PLD2: variants seen among roughly 807,000 people sequenced by gnomAD.
PLD2 encodes choline phosphatase 2.
A neutral mutation model predicts 119.8 loss-of-function variants in PLD2; 101 were observed. The ratio of observed to expected loss-of-function variants is 0.84; its 90% confidence interval spans 0.72 to 0.99. The LOEUF is 0.99. Ranked by LOEUF, PLD2 falls within the 50% of genes least tolerant of loss-of-function variation. The pLI, the probability that PLD2 is intolerant of heterozygous loss-of-function variation, is 0.00. For synonymous variants in PLD2, 494 were observed against 482.8 expected (o/e 1.02, Z -0.30); for missense variants, 1,164 against 1,226.8 (o/e 0.95, Z 0.76).
chr17:4,818,511 G>A lies in PLD2; in HGVS notation c.2027G>A (p.Arg676Gln), dbSNP rs199553650. 11 of 1,613,724 alleles carry A rather than the reference G, an allele frequency of 6.8e-6. No homozygotes were observed. The highest frequency in any genetic ancestry group is 9.3e-6 in the Non-Finnish European group (11 of 1,179,714). The change falls in exon 20 of 25, where the codon CGA (arginine) becomes CAA (glutamine). Residue 676 changes from arginine to glutamine, a missense_variant. Physicochemically the swap from Arg to Gln is conservative, Grantham distance 43 (BLOSUM62 1). Transcript: ENST00000263088. Reference sequence around the variant, plus strand: ...CTCCCCAGACAGGGGTGGTGTTACCGAGTCTACGTGCTTTTGCCCTTACTC... The same window carrying A: ...CTCCCCAGACAGGGGTGGTGTTACCAAGTCTACGTGCTTTTGCCCTTACTC... ...LKAHKQGWCY[R>Q]VYVLLPLLPG...
At position 4,819,263 on chromosome 17, in the gene PLD2, C is replaced by CAGGCGAAGAGA; in HGVS notation, c.2308+46_2308+56dup. The CAGGCGAAGAGA allele has an allele frequency of 1.9e-6, 3 of 1,610,450 alleles. No homozygotes were observed. The highest frequency in any genetic ancestry group is 2.2e-5 in the South Asian group (2 of 90,854). On this transcript the variant is annotated intron_variant, in intron 22 of 24. Coordinates refer to ENST00000263088, the MANE Select transcript of PLD2 (RefSeq NM_002663.5). This position sits in a 1 kb window ranked among gnomAD's most constrained non-coding sequence, Gnocchi z 4.2. ...CTCTGGCAGGGAGAGGGTGTGGGGA[C>CAGGCGAAGAGA]AGGCGAAGAGATGAGAGGCAGGATG... is the stretch of plus-strand genomic sequence containing the variant.
chr17:4,818,612 C>A lies in PLD2; in HGVS notation c.2123+5C>A. ...CATTCTGCACTTTACTTACAGGTGA[C>A]CCCCCAGGCGGACTCCAGCTCTCAG... On this transcript the variant is annotated splice_donor_5th_base_variant and intron_variant, in intron 20 of 24. Coordinates refer to ENST00000263088, the MANE Select transcript of PLD2 (RefSeq NM_002663.5). The A allele has an allele frequency of 1.2e-6, 2 of 1,600,438 alleles. No homozygotes were observed. The highest frequency in any genetic ancestry group is 2.2e-5 in the South Asian group (2 of 90,846).
Position 4,808,337 on chromosome 17 carries a change from AAG to A in PLD2, c.306_307del (p.Lys103IlefsTer50). The A allele has an allele frequency of 6.2e-7, 1 of 1,613,998 alleles. No individual in the cohort carries two copies. Among genetic ancestry groups the A allele is most frequent in the Non-Finnish European group, 8.5e-7 (1 of 1,179,940 alleles). Reference protein sequence around the residue: ...THGDFSWTTKKKYRHFQELHR... With the variant: ...THGDFSWTTKXKYRHFQELHR... ...CGGCGACTTTTCCTGGACAACCAAG[AAG>A]AAATACCGTCATTTTCAGGAGCTGC... is the stretch of plus-strand genomic sequence containing the variant. On this transcript the variant is annotated frameshift_variant, in exon 4 of 25. Transcript: ENST00000263088. LOFTEE classifies it high-confidence loss of function. The surrounding 1 kb of genome is among the most constrained non-coding windows in gnomAD (Gnocchi z 4.1).
chr17:4,812,156 GC>G (rs1360913174), intron 10 of PLD2, among the ~76,000 whole-genome samples: 1 of 149,258 alleles, frequency 6.7e-6, no homozygotes, highest in Non-Finnish European at 1.5e-5. Context: ...CGCTCTTGTT[GC>G]CCAGGCTAGC....
chr17:4,819,686 T>C lies in PLD2; in HGVS notation c.2462+104T>C. ...GCATAGGTACTCCCGGAGCCAGAGGTAGAGGCAGTACTAGATTCTCAATAG... is the reference window on the plus strand; with the variant it reads ...GCATAGGTACTCCCGGAGCCAGAGGCAGAGGCAGTACTAGATTCTCAATAG... On this transcript the variant is annotated intron_variant, in intron 23 of 24. Coordinates refer to ENST00000263088, the MANE Select transcript of PLD2 (RefSeq NM_002663.5). The surrounding 1 kb of genome is among the most constrained non-coding windows in gnomAD (Gnocchi z 4.2). 1.8e-6 allele frequency: 2 copies of C among 1,113,978 alleles called. No individual in the cohort carries two copies. The highest frequency in any genetic ancestry group is 1.5e-5 in the South Asian group (1 of 64,526). The allele number at this position is 1,113,978 out of a possible 1,614,324, so 69.0% of individuals were successfully genotyped here.
chr17:4,808,975 T>G lies in PLD2; in HGVS notation c.384-125T>G. On this transcript the variant is annotated intron_variant, in intron 4 of 24. Transcript: ENST00000263088. The surrounding 1 kb of genome is among the most constrained non-coding windows in gnomAD (Gnocchi z 4.1). ...TCCCCAAGTGCTGGGATTCCAGGCG[T>G]GAGCCACCACGCCTGGCCACCTCCA... 5.5e-6 allele frequency: 4 copies of G among 727,630 alleles called. No individual in the cohort carries two copies. The highest frequency in any genetic ancestry group is 9.5e-6 in the Non-Finnish European group (4 of 419,470). The allele number at this position is 727,630 out of a possible 1,614,324, so 45.1% of individuals were successfully genotyped here.
At chr17:4,815,699 C>T in intron 13 of PLD2, 65 bp from the exon 14 acceptor site, 1 of 1,602,078 alleles carries the variant, frequency 6.2e-7, no homozygotes, top group African/African-American at 1.3e-5. Flanking sequence ...TCCTCTCTCC[C>T]TCCCAGTACC....
At chr17:4,822,488 G>A (rs537758927) in intron 24 of PLD2, 152 bp from the exon 25 acceptor site, 322 of 573,440 alleles carry the variant, frequency 5.6e-4, no homozygotes, top group African/African-American at 4.5e-3. Flanking sequence ...GTGAAACTCC[G>A]TCTCAAAAAA....
Position 4,808,935 on chromosome 17 carries a change from C to T in PLD2, c.384-165C>T, listed in dbSNP as rs3786042. Among the ~76,000 whole-genome samples, 14,055 of 152,100 alleles carry T rather than the reference C, an allele frequency of 0.092. 1,424 individuals are homozygous for T. The highest frequency in any genetic ancestry group is 0.47 in the East Asian group (2,417 of 5,148). Reference sequence around the variant, plus strand: ...TCTTAAATTCCTGAGCTCAAGTGATCCACCTGCTGCGGCCTCCCCAAGTGC... The same window carrying T: ...TCTTAAATTCCTGAGCTCAAGTGATTCACCTGCTGCGGCCTCCCCAAGTGC... On this transcript the variant is annotated intron_variant, in intron 4 of 24. Coordinates refer to ENST00000263088, the MANE Select transcript of PLD2 (RefSeq NM_002663.5). This position sits in a 1 kb window ranked among gnomAD's most constrained non-coding sequence, Gnocchi z 4.1.
chr17:4,815,543 G>C lies in PLD2; in HGVS notation c.1241G>C (p.Gly414Ala). The C allele has an allele frequency of 6.2e-7, 1 of 1,613,762 alleles. No homozygotes were observed. The highest frequency in any genetic ancestry group is 8.5e-7 in the Non-Finnish European group (1 of 1,179,786). The change falls in exon 13 of 25, where the codon GGC becomes GCC. Residue 414 changes from glycine to alanine, a missense_variant. By Grantham distance (60) the Gly-to-Ala change is moderately conservative. Coordinates refer to ENST00000263088, the MANE Select transcript of PLD2 (RefSeq NM_002663.5). Reference sequence around the variant, plus strand: ...GAATTGGCCTTGGGCATCAACAGTGGCTATAGCAAGAGGGCGCTGATGCTG... The same window carrying C: ...GAATTGGCCTTGGGCATCAACAGTGCCTATAGCAAGAGGGCGCTGATGCTG... ...EVELALGINSGYSKRALMLLH... is the reference protein window; with the variant it reads ...EVELALGINSAYSKRALMLLH...
At position 4,815,954 on chromosome 17, in the gene PLD2, C is replaced by T; in HGVS notation, c.1455+20C>T. The T allele has an allele frequency of 6.5e-7, 1 of 1,536,302 alleles. No individual in the cohort carries two copies. The highest frequency in any genetic ancestry group is 1.7e-5 in the Admixed American group (1 of 59,748). ...TCCCAGGTAATCCCCCTGAGGCCTT[C>T]CTGAGCACCCCCAAACTCAGATAAG... On this transcript the variant is annotated intron_variant, in intron 14 of 24. Coordinates refer to ENST00000263088, the MANE Select transcript of PLD2 (RefSeq NM_002663.5).
chr17:4,810,146 C>T (rs1214010186), intron 9 of PLD2, 117 bp downstream of exon 9: 11 of 1,054,788 alleles, frequency 1.0e-5, no homozygotes, highest in South Asian at 1.5e-5. Flanking sequence ...CTCCCTGGAT[C>T]GGGACATAGT....
rs572438934 is a variant in PLD2 at position 4,808,268 on chromosome 17, C to T, written c.241-6C>T. On this transcript the variant is annotated splice_polypyrimidine_tract_variant and splice_region_variant and intron_variant, in intron 3 of 24. Transcript: ENST00000263088. The surrounding 1 kb of genome is among the most constrained non-coding windows in gnomAD (Gnocchi z 4.1). ...GGGACATCCATTCAGTTCCTCATACCCCTAGGTGGGAACCTGCACTCTGTA... is the reference window on the plus strand; with the variant it reads ...GGGACATCCATTCAGTTCCTCATACTCCTAGGTGGGAACCTGCACTCTGTA... 23 of 1,613,698 alleles carry T rather than the reference C, an allele frequency of 1.4e-5. No individual in the cohort carries two copies. The South Asian group carries it at 2.1e-4, about 15-fold the overall frequency.
chr17:4,819,606 A>T lies in PLD2; in HGVS notation c.2462+24A>T. 1 of 1,584,094 alleles carries T rather than the reference A, an allele frequency of 6.3e-7. No homozygotes were observed. The highest frequency in any genetic ancestry group is 8.6e-7 in the Non-Finnish European group (1 of 1,162,952). On this transcript the variant is annotated intron_variant, in intron 23 of 24. Transcript: ENST00000263088. This position sits in a 1 kb window ranked among gnomAD's most constrained non-coding sequence, Gnocchi z 4.2. Reference sequence around the variant, plus strand: ...GGGTAGAGCTGGGGCGGGATGCCACAGGGTGGGAGGGAGATGGGGGCGTCT... The same window carrying T: ...GGGTAGAGCTGGGGCGGGATGCCACTGGGTGGGAGGGAGATGGGGGCGTCT...
intron 23 of PLD2, among the ~76,000 whole-genome samples, chr17:4,820,178 A>G (rs1291346960): frequency 6.6e-6 from 1 of 151,612 alleles, no homozygotes; most frequent in Non-Finnish European, 1.5e-5. Context: ...TCCCGACCTC[A>G]GGTGATCCAC....
intron 9 of PLD2, 53 bp downstream of exon 9, chr17:4,810,082 G>A: frequency 6.3e-7 from 1 of 1,576,242 alleles, no homozygotes; most frequent in Admixed American, 1.8e-5. Flanking sequence ...CCCACCCACG[G>A]CCTTGCTGGG....
Position 4,822,752 on chromosome 17 carries a change from C to T in PLD2, c.2690C>T (p.Thr897Ile), listed in dbSNP as rs757236839. 3 of 1,613,696 alleles carry T rather than the reference C, an allele frequency of 1.9e-6. No individual in the cohort carries two copies. In the African/African-American group the frequency reaches 4.0e-5, roughly 22 times the overall value. The change falls in exon 25 of 25, where the codon ACC becomes ATC. Residue 897 changes from threonine (T) to isoleucine (I), a missense_variant. By Grantham distance (89) the Thr-to-Ile change is moderately conservative. Transcript: ENST00000263088. ...VSPPLARSEL[T>I]QVQGHLVHFP... is the part of the protein sequence containing the mutation. ...CCCCCCTTGGCTCGGTCTGAGCTCACCCAGGTCCAGGGCCACCTGGTCCAC... is the reference window on the plus strand; with the variant it reads ...CCCCCCTTGGCTCGGTCTGAGCTCATCCAGGTCCAGGGCCACCTGGTCCAC...
intron 10 of PLD2, 52 bp from the exon 11 acceptor site, chr17:4,814,366 G>A: frequency 2.6e-6 from 4 of 1,567,684 alleles, no homozygotes; most frequent in Non-Finnish European, 3.5e-6. Flanking sequence ...TCACTCTCCA[G>A]AGCTTTCTGG....
rs1016757241 is a variant in PLD2, at chr17:4,819,977, G to T, written c.2462+395G>T. ...TCTTTTTTTTTTGAGACGGAGTTTT[G>T]CTCTTGTTGCCCAGGCTGGAGTGCA... On this transcript the variant is annotated intron_variant, in intron 23 of 24. Transcript: ENST00000263088. The surrounding 1 kb of genome is among the most constrained non-coding windows in gnomAD (Gnocchi z 4.2). Among the ~76,000 whole-genome samples, 3 of 151,918 alleles carry T rather than the reference G, an allele frequency of 2.0e-5. No homozygotes were observed. The highest frequency in any genetic ancestry group is 7.3e-5 in the African/African-American group (3 of 41,370).
Sources: gnomAD v4.1 joint callset for allele counts (sites outside exome capture counted in the v4.1 genomes callset) on GRCh38, gnomAD v4.1.1 for gene constraint, Gnocchi (gnomAD v3.1) non-coding constraint, MANE v1.5 for transcripts, NCBI Gene and HGNC (gene_info 2026-07-23, HGNC 2026-07-21) for gene names.